DLG2: variants seen among roughly 807,000 people sequenced by gnomAD.
DLG2 encodes discs large MAGUK scaffold protein 2, also known as disks large homolog 2.
A neutral mutation model predicts 132.5 loss-of-function variants in DLG2; 45 were observed. That is an observed-to-expected ratio of 0.34 (90% CI 0.27 to 0.44). The LOEUF is 0.44. Among genes scored for constraint, DLG2 ranks in the 20% least tolerant of loss-of-function variants. The probability of loss-of-function intolerance (pLI) is 1.00; values close to 1 mark genes in which losing one functional copy is unlikely to be tolerated. For synonymous variants in DLG2, 424 were observed against 419.6 expected, an observed-to-expected ratio of 1.01 and a Z score of -0.13; for missense variants, 1,045 against 1,196.9, an observed-to-expected ratio of 0.87 and a Z score of 1.87.
chr11:84,590,959 T>C (rs1439926129), intron 6 of DLG2, among the ~76,000 whole-genome samples: 2 of 152,232 alleles, frequency 1.3e-5, no homozygotes, highest in Non-Finnish European at 2.9e-5. Flanking sequence ...AACTGGATTA[T>C]GCAGCTCTCT....
chr11:84,220,768 T>C (rs553324374), intron 8 of DLG2, among the ~76,000 whole-genome samples: 2 of 146,266 alleles, frequency 1.4e-5, no homozygotes, highest in African/African-American at 5.0e-5. Context: ...GCTTTTTTTT[T>C]CTTTTTCTTT....
intron 19 of DLG2, among the ~76,000 whole-genome samples, chr11:83,570,213 C>CT (rs1198114633): frequency 6.6e-6 from 1 of 152,160 alleles, no homozygotes; most frequent in Non-Finnish European, 1.5e-5. Flanking sequence ...CAAGAGTCTA[C>CT]TGGGGGGCAT....
intron 2 of DLG2, among the ~76,000 whole-genome samples, chr11:85,613,686 C>T (rs893448970): frequency 5.3e-5 from 8 of 152,176 alleles, no homozygotes; most frequent in Non-Finnish European, 1.0e-4. Context: ...GAACAAGCAG[C>T]GCTCTGTAAA....
At chr11:85,019,593 A>C (rs539042538) in intron 6 of DLG2, among the ~76,000 whole-genome samples, 2 of 151,910 alleles carry the variant, frequency 1.3e-5, no homozygotes, top group Non-Finnish European at 1.5e-5. Context: ...TACATTAGGT[A>C]TTTCTCCTAA....
chr11:84,496,546 T>C (rs2099184628), intron 7 of DLG2, among the ~76,000 whole-genome samples: 1 of 152,154 alleles, frequency 6.6e-6, no homozygotes, highest in African/African-American at 2.4e-5. Flanking sequence ...GGAGGCAAGA[T>C]TGTTGAACTG....
rs185283587 is a variant in DLG2, at chr11:84,208,114, C to T, written c.573+43124G>A. Among the ~76,000 whole-genome samples, 50 of 152,150 alleles carry T rather than the reference C, an allele frequency of 3.3e-4. No individual in the cohort carries two copies. In the East Asian group the frequency reaches 7.1e-3, roughly 22 times the overall value. On this transcript the variant is annotated intron_variant, in intron 8 of 27. Coordinates refer to ENST00000376104, the MANE Select transcript of DLG2 (RefSeq NM_001142699.3). ...CCTTTGCAGTCCAAACCAATGTATA[C>T]GTTTCATGTATACATTAGTATTTGT...
At chr11:84,513,755 TC>T (rs1182627162) in intron 7 of DLG2, among the ~76,000 whole-genome samples, 1 of 150,752 alleles carries the variant, frequency 6.6e-6, no homozygotes, top group African/African-American at 2.4e-5. Context: ...AAAAAAACCA[TC>T]CAGGACATTG....
chr11:84,990,561 T>C (rs1328536785), intron 6 of DLG2, among the ~76,000 whole-genome samples: 1 of 152,060 alleles, frequency 6.6e-6, no homozygotes, highest in Non-Finnish European at 1.5e-5. Context: ...GTGTATTATA[T>C]AGACATTATC....
At chr11:85,476,915 C>T (rs2093160318) in intron 3 of DLG2, among the ~76,000 whole-genome samples, 2 of 151,958 alleles carry the variant, frequency 1.3e-5, no homozygotes, top group South Asian at 4.1e-4. Context: ...AATACCTAAA[C>T]CAGTGACATG....
chr11:85,339,666 T>C (rs1413947637), intron 3 of DLG2, among the ~76,000 whole-genome samples: 1 of 152,224 alleles, frequency 6.6e-6, no homozygotes, highest in Non-Finnish European at 1.5e-5. Context: ...CTTATATTTT[T>C]CAAAAATTTT....
chr11:85,220,637 A>ATATATAT (rs1554992641), intron 4 of DLG2, among the ~76,000 whole-genome samples: 10 of 148,260 alleles, frequency 6.7e-5, no homozygotes, highest in African/African-American at 2.5e-4. Flanking sequence ...TAGAAAAAAA[A>ATATATAT]ATATATATAT....
chr11:84,160,737 T>A (rs188788760), intron 9 of DLG2, among the ~76,000 whole-genome samples: 7 of 152,130 alleles, frequency 4.6e-5, no homozygotes, highest in African/African-American at 1.7e-4. Flanking sequence ...AATCATTCAA[T>A]GGATAACTGG....
intron 7 of DLG2, chr11:84,437,544 C>T (rs1214224117): frequency 6.6e-6 from 1 of 152,110 alleles, no homozygotes; most frequent in Non-Finnish European, 1.5e-5. Flanking sequence ...CGAACAGAAT[C>T]AGGCTGGAGC....
chr11:83,913,255 C>G (rs557736206), intron 15 of DLG2, among the ~76,000 whole-genome samples: 1 of 152,176 alleles, frequency 6.6e-6, no homozygotes, highest in South Asian at 2.1e-4. Flanking sequence ...CAGGAAAGAG[C>G]TAAGTCTAAT....
At chr11:83,565,895 A>G (rs905513421) in intron 19 of DLG2, among the ~76,000 whole-genome samples, 2 of 152,198 alleles carry the variant, frequency 1.3e-5, no homozygotes, top group African/African-American at 2.4e-5. Context: ...TCTGGTTCCC[A>G]GTCCAGAAGA....
At chr11:84,836,028 C>G (rs1397630031) in intron 6 of DLG2, among the ~76,000 whole-genome samples, 1 of 151,730 alleles carries the variant, frequency 6.6e-6, no homozygotes, top group African/African-American at 2.4e-5. Flanking sequence ...AGCAGGAACT[C>G]TGAACTCAAA....
intron 5 of DLG2, among the ~76,000 whole-genome samples, chr11:85,149,900 T>G (rs946810067): frequency 6.6e-6 from 1 of 151,650 alleles, no homozygotes; most frequent in African/African-American, 2.4e-5. Context: ...AATTAAAAAC[T>G]AAGGAGAGCC....
chr11:83,874,504 G>C lies in DLG2; in HGVS notation c.1497-16C>G. ...TTGGGAATGACTGCAAGAAAAGACA[G>C]AAGAAACACACATCATTTATTTATT... On this transcript the variant is annotated splice_polypyrimidine_tract_variant and intron_variant, in intron 15 of 27. Coordinates refer to ENST00000376104, the MANE Select transcript of DLG2 (RefSeq NM_001142699.3). 1 of 1,577,072 alleles carries C rather than the reference G, an allele frequency of 6.3e-7. No individual in the cohort carries two copies. Among genetic ancestry groups the C allele is most frequent in the Non-Finnish European group, 8.6e-7 (1 of 1,158,924 alleles).
At chr11:84,552,967 T>G (rs549646986) in intron 6 of DLG2, among the ~76,000 whole-genome samples, 9 of 152,280 alleles carry the variant, frequency 5.9e-5, no homozygotes, top group Admixed American at 5.2e-4. Flanking sequence ...CTTACTGATT[T>G]TTTTCACTCA....
Sources: allele counts gnomAD v4.1 joint callset (sites outside exome capture counted in the v4.1 genomes callset), GRCh38; gene constraint gnomAD v4.1.1; transcripts MANE v1.5; gene names NCBI Gene and HGNC (gene_info 2026-07-23, HGNC 2026-07-21).